The following SCAMP5 variants were observed in gnomAD, a reference collection of about 807,000 sequenced individuals.
SCAMP5 encodes secretory carrier membrane protein 5.
In SCAMP5, 7 loss-of-function variants were observed where a neutral mutation model predicts 28.3. The observed-to-expected ratio is 0.25, with a 90% CI of 0.14 to 0.46. SCAMP5 has a LOEUF of 0.46. SCAMP5 is among the 20% of genes least tolerant of loss of function. SCAMP5 has a pLI of 0.99. For synonymous variants in SCAMP5, 117 were observed against 116.4 expected (o/e 1.00, Z -0.03); for missense variants, 192 against 312.5 (o/e 0.61, Z 2.91).
At chr15:75,004,798 A>G (rs1485656463) in intron 1 of SCAMP5, among the ~76,000 whole-genome samples, 1 of 152,164 alleles carries the variant, frequency 6.6e-6, no homozygotes, top group African/African-American at 2.4e-5. Context: ...AAGAAATTTA[A>G]TAGTGAATAG....
chr15:75,014,373 C>G (rs547625007), intron 3 of SCAMP5, among the ~76,000 whole-genome samples: 2 of 152,200 alleles, frequency 1.3e-5, no homozygotes, highest in South Asian at 4.1e-4. Context: ...AAGAAGTTAC[C>G]TCTGATGGCT....
chr15:75,003,091 C>T (rs968462952), intron 1 of SCAMP5, among the ~76,000 whole-genome samples: 9 of 152,116 alleles, frequency 5.9e-5, no homozygotes, highest in African/African-American at 1.2e-4. Context: ...CCGTCACACC[C>T]GGCTTATTTT....
At chr15:75,013,904 G>C (rs2065836610) in intron 3 of SCAMP5, among the ~76,000 whole-genome samples, 1 of 152,094 alleles carries the variant, frequency 6.6e-6, no homozygotes, top group Admixed American at 6.6e-5. Flanking sequence ...TTAAGGCTGA[G>C]AGTGTAAAGG....
chr15:75,000,893 G>A (rs77436479), intron 1 of SCAMP5, among the ~76,000 whole-genome samples: 3,045 of 151,854 alleles, frequency 0.02, 109 homozygotes, highest in African/African-American at 0.07. Context: ...AGTATGCCGT[G>A]CTATTGCTCT....
chr15:75,016,775 G>A, intron 4 of SCAMP5, 26 bp downstream of exon 4: 1 of 1,590,748 alleles, frequency 6.3e-7, no homozygotes. Flanking sequence ...TATCCGCAGT[G>A]CCTAGCCGTC....
chr15:75,007,937 C>T (rs774607037), intron 1 of SCAMP5, among the ~76,000 whole-genome samples: 2 of 152,038 alleles, frequency 1.3e-5, no homozygotes, highest in Non-Finnish European at 2.9e-5. Context: ...TGGGCCCAAG[C>T]GATCCATCTG....
chr15:75,009,441 T>TTGTGTGTG (rs3057655), intron 1 of SCAMP5, among the ~76,000 whole-genome samples: 6,351 of 136,024 alleles, frequency 0.047, 221 homozygotes, highest in South Asian at 0.073. Flanking sequence ...TGCTAGAAGT[T>TTGTGTGTG]TGTGTGTGTG....
chr15:74,996,260 G>T lies in SCAMP5; in HGVS notation c.-49+587G>T, dbSNP rs572984707. 1.3e-5 allele frequency: 2 copies of T among 152,600 alleles called. No homozygotes were observed. The highest frequency in any genetic ancestry group is 2.9e-5 in the Non-Finnish European group (2 of 68,312). 9.5% of individuals were successfully genotyped at this position (152,600 alleles called of 1,614,324 possible). ...GCGGGCTCCATCAGGGCTTTGGGTG[G>T]TGAGTTGGGGGCGCCGGATTTGGCT... On this transcript the variant is annotated intron_variant, in intron 1 of 6. Transcript: ENST00000425597. This position sits in a 1 kb window ranked among gnomAD's most constrained non-coding sequence, Gnocchi z 4.1.
Position 75,018,576 on chromosome 15 carries a change from G to C in SCAMP5, c.513+41G>C, listed in dbSNP as rs2065879282. 1 of 1,393,826 alleles carries C rather than the reference G, an allele frequency of 7.2e-7. No individual in the cohort carries two copies. The highest frequency in any genetic ancestry group is 1.0e-6 in the Non-Finnish European group (1 of 979,152). The allele number at this position is 1,393,826 out of a possible 1,614,324, so 86.3% of individuals were successfully genotyped here. On this transcript the variant is annotated intron_variant, in intron 6 of 6. Transcript: ENST00000425597. The surrounding 1 kb of genome is among the most constrained non-coding windows in gnomAD (Gnocchi z 5.6). ...AAGGGTGAGAAGGTGGCTTTGGGAA[G>C]GGGCCATGTTCTGAAACAAGCCCTC...
Position 75,000,051 on chromosome 15 carries a change from A to G in SCAMP5, c.-49+4378A>G, listed in dbSNP as rs141458710. Among the ~76,000 whole-genome samples, 190 of 152,370 alleles carry G rather than the reference A, an allele frequency of 1.2e-3. 1 individual carries two copies. In the East Asian group the frequency reaches 0.029, roughly 23 times the overall value. On this transcript the variant is annotated intron_variant, in intron 1 of 6. Coordinates refer to ENST00000425597, the MANE Select transcript of SCAMP5 (RefSeq NM_138967.4). Reference sequence around the variant, plus strand: ...CTATATACGTTAAAAATGAAAGCCAACAAAATCCACCAAACCTAAAGATCA... The same window carrying G: ...CTATATACGTTAAAAATGAAAGCCAGCAAAATCCACCAAACCTAAAGATCA...
intron 2 of SCAMP5, among the ~76,000 whole-genome samples, chr15:75,012,456 G>A (rs1350418281): frequency 2.0e-5 from 3 of 152,192 alleles, no homozygotes; most frequent in African/African-American, 7.2e-5. Flanking sequence ...TGTCTGTCAA[G>A]GTGACATTGT....
intron 2 of SCAMP5, 140 bp from the exon 3 acceptor site, chr15:75,012,537 T>A: frequency 1.1e-6 from 1 of 903,246 alleles, no homozygotes; most frequent in East Asian, 2.5e-5. Context: ...CCCGGGGAGG[T>A]AGGGACGGCT....
chr15:75,008,434 CT>C (rs75937887), intron 1 of SCAMP5, among the ~76,000 whole-genome samples: 206 of 138,142 alleles, frequency 1.5e-3, no homozygotes, highest in Middle Eastern at 7.6e-3. Flanking sequence ...TTGTGCTCTG[CT>C]TTTTTTTTTT....
At chr15:75,004,351 T>C (rs1190273706) in intron 1 of SCAMP5, among the ~76,000 whole-genome samples, 2 of 152,172 alleles carry the variant, frequency 1.3e-5, no homozygotes, top group East Asian at 3.8e-4. Context: ...TATGTATATG[T>C]ATAAAATTTT....
rs1408679012 is a variant in SCAMP5, at chr15:74,996,625, A to G, written c.-49+952A>G. ...GGGCAAAGGCACAGGGATGAAAACG[A>G]GCACAGCTGTTGGGGGCTGAGCCTG... On this transcript the variant is annotated intron_variant, in intron 1 of 6. Coordinates refer to ENST00000425597, the MANE Select transcript of SCAMP5 (RefSeq NM_138967.4). This position sits in a 1 kb window ranked among gnomAD's most constrained non-coding sequence, Gnocchi z 4.1. 1.3e-5 allele frequency among the ~76,000 whole-genome samples: 2 copies of G among 152,134 alleles called. No homozygotes were observed. The highest frequency in any genetic ancestry group is 4.8e-5 in the African/African-American group (2 of 41,422).
At position 75,005,981 on chromosome 15, in the gene SCAMP5, CTT is replaced by C. The variant is rs527501720; in HGVS notation, c.-48-5791_-48-5790del. 9.1e-3 allele frequency among the ~76,000 whole-genome samples: 735 copies of C among 80,982 alleles called. 7 individuals are homozygous for C. Among genetic ancestry groups the C allele is most frequent in the African/African-American group, 0.038 (716 of 18,720 alleles). The allele number at this position is 80,982 out of a possible 152,430, so 53.1% of individuals were successfully genotyped here. A position where few individuals can be genotyped will look rare whatever the true frequency, so the allele number is the denominator to read the frequency against. On this transcript the variant is annotated intron_variant, in intron 1 of 6. Transcript: ENST00000425597. ...CCTCAAGTGATCCGCCTCGGCCTCC[CTT>C]TTTTTTTTTTTTTTTTTTTGCTTTG...
At chr15:75,007,326 A>C (rs2065769735) in intron 1 of SCAMP5, among the ~76,000 whole-genome samples, 1 of 152,182 alleles carries the variant, frequency 6.6e-6, no homozygotes, top group Non-Finnish European at 1.5e-5. Context: ...GCAAAGCTTT[A>C]GAGTCGTCAC....
Position 75,016,886 on chromosome 15 carries a change from A to G in SCAMP5, c.293+137A>G, listed in dbSNP as rs993842538. 16 of 818,546 alleles carry G rather than the reference A, an allele frequency of 2.0e-5. No individual in the cohort carries two copies. In the African/African-American group the frequency reaches 2.2e-4, roughly 11 times the overall value. 50.7% of individuals were successfully genotyped at this position (818,546 alleles called of 1,614,324 possible). A position where few individuals can be genotyped will look rare whatever the true frequency, so the allele number is the denominator to read the frequency against. On this transcript the variant is annotated intron_variant, in intron 4 of 6. Coordinates refer to ENST00000425597, the MANE Select transcript of SCAMP5 (RefSeq NM_138967.4). ...ACTTTCCCTTGCTCACCTTTGGCTCAGATTGCTAGGTAGGGCCTGGGCTTT... is the reference window on the plus strand; with the variant it reads ...ACTTTCCCTTGCTCACCTTTGGCTCGGATTGCTAGGTAGGGCCTGGGCTTT...
intron 4 of SCAMP5, 198 bp from the exon 5 acceptor site, chr15:75,017,672 A>G (rs965535569): frequency 9.8e-6 from 6 of 611,480 alleles, no homozygotes; most frequent in Non-Finnish European, 1.8e-5. Context: ...TCCCTGTGTA[A>G]TGTTGCAACA....
Sources: gnomAD v4.1 joint callset for allele counts (sites outside exome capture counted in the v4.1 genomes callset) on GRCh38, gnomAD v4.1.1 for gene constraint, Gnocchi (gnomAD v3.1) non-coding constraint, MANE v1.5 for transcripts, NCBI Gene and HGNC (gene_info 2026-07-23, HGNC 2026-07-21) for gene names.